The following ARID1B variants were observed in gnomAD, a reference collection of about 807,000 sequenced individuals.
The protein encoded by ARID1B is AT-rich interactive domain-containing protein 1B.
Under a neutral mutation model 212.3 loss-of-function variants are expected in ARID1B, and 30 were observed. The observed-to-expected ratio is 0.14, with a 90% CI of 0.11 to 0.19. The LOEUF (loss-of-function observed/expected upper bound fraction) is 0.19. ARID1B is among the 10% of genes least tolerant of loss of function. The probability of loss-of-function intolerance (pLI) is 1.00; values close to 1 mark genes in which losing one functional copy is unlikely to be tolerated. For synonymous variants in ARID1B, 1,402 were observed against 1,301.7 expected (o/e 1.08, Z -1.66); for missense variants, 2,891 against 3,204.0 (o/e 0.90, Z 2.36).
chr6:157,106,407 A>C (rs1163123055), intron 5 of ARID1B, among the ~76,000 whole-genome samples: 1 of 152,188 alleles, frequency 6.6e-6, no homozygotes, highest in Non-Finnish European at 1.5e-5. Flanking sequence ...ATCTACTTCC[A>C]GTTTCATTCG....
At chr6:156,866,960 A>G (rs1785740895) in intron 2 of ARID1B, among the ~76,000 whole-genome samples, 1 of 152,224 alleles carries the variant, frequency 6.6e-6, no homozygotes, top group Admixed American at 6.5e-5. Flanking sequence ...CAGACATAGG[A>G]AAGTTACTTG....
At chr6:157,191,765 A>G (rs921155344) in intron 15 of ARID1B, among the ~76,000 whole-genome samples, 1 of 152,234 alleles carries the variant, frequency 6.6e-6, no homozygotes, top group Non-Finnish European at 1.5e-5. Flanking sequence ...TTATTGGAAA[A>G]AAACATATAG....
At chr6:157,153,349 A>G (rs906188118) in intron 8 of ARID1B, among the ~76,000 whole-genome samples, 1 of 151,318 alleles carries the variant, frequency 6.6e-6, no homozygotes, top group East Asian at 2.0e-4. Flanking sequence ...TTTATAAGTA[A>G]TATCTGTACA....
chr6:157,163,260 A>T (rs1791066689), intron 8 of ARID1B, among the ~76,000 whole-genome samples: 1 of 152,034 alleles, frequency 6.6e-6, no homozygotes, highest in East Asian at 1.9e-4. Context: ...GGTCTCGGGC[A>T]TTGTATTTTC....
At chr6:156,879,929 C>G (rs1446562662) in intron 2 of ARID1B, among the ~76,000 whole-genome samples, 2 of 152,188 alleles carry the variant, frequency 1.3e-5, no homozygotes, top group Non-Finnish European at 2.9e-5. Flanking sequence ...AACAAAATCT[C>G]AAACCCTTTC....
chr6:157,014,925 A>G (rs868754122), intron 4 of ARID1B, among the ~76,000 whole-genome samples: 1 of 152,130 alleles, frequency 6.6e-6, no homozygotes, highest in Admixed American at 6.5e-5. Context: ...GCCACTCTCC[A>G]TCTTATAGAA....
At chr6:157,041,451 G>A (rs1413988938) in intron 4 of ARID1B, among the ~76,000 whole-genome samples, 7 of 152,098 alleles carry the variant, frequency 4.6e-5, no homozygotes, top group African/African-American at 1.7e-4. Flanking sequence ...TAAAAAACAT[G>A]TAAACATAAC....
At position 157,190,112 on chromosome 6, in the gene ARID1B, C is replaced by T; in HGVS notation, c.4133C>T (p.Thr1378Ile). 2 of 1,614,236 alleles carry T rather than the reference C, an allele frequency of 1.2e-6. No homozygotes were observed. The highest frequency in any genetic ancestry group is 1.7e-6 in the Non-Finnish European group (2 of 1,180,048). ...DSSFPKRNSM[T>I]PNAPYQQGMS... ...TCCTTCCCGAAACGGAACTCCATGA[C>T]TCCAAACGCCCCCTACCAGCAGGGC... Residue 1378 changes from threonine (T) to isoleucine (I), a missense_variant, in exon 15 of 20, where the codon ACT (threonine) becomes ATT (isoleucine). Physicochemically the swap from Thr to Ile is moderately conservative, Grantham distance 89 (BLOSUM62 -1). This residue lies in a region of ARID1B where 666 missense variants were observed against 873.5 expected (regional missense o/e 0.76). Coordinates refer to ENST00000636930, the MANE Select transcript of ARID1B (RefSeq NM_001374828.1). The surrounding 1 kb of genome is among the most constrained non-coding windows in gnomAD (Gnocchi z 4.6).
chr6:157,106,780 C>A (rs1195057452), intron 5 of ARID1B, among the ~76,000 whole-genome samples: 1 of 152,162 alleles, frequency 6.6e-6, no homozygotes, highest in Admixed American at 6.5e-5. Context: ...GAGGGTGTGT[C>A]TGCCACAGTG....
chr6:156,879,759 T>C (rs1450850557), intron 2 of ARID1B, among the ~76,000 whole-genome samples: 1 of 152,228 alleles, frequency 6.6e-6, no homozygotes, highest in South Asian at 2.1e-4. Context: ...GGAGTTAAGA[T>C]ATAAACATAT....
At chr6:156,862,635 G>C (rs1785412986) in intron 2 of ARID1B, among the ~76,000 whole-genome samples, 1 of 152,218 alleles carries the variant, frequency 6.6e-6, no homozygotes, top group African/African-American at 2.4e-5. Flanking sequence ...CCTTCCTGCA[G>C]TGATTGATGG....
intron 8 of ARID1B, chr6:157,151,240 G>A (rs1219034550): frequency 1.3e-5 from 2 of 152,084 alleles, no homozygotes; most frequent in Non-Finnish European, 2.9e-5. Context: ...AACCTGTGTT[G>A]TGCAGCGCTG....
chr6:157,172,658 C>A (rs1271986552), intron 9 of ARID1B: 3 of 152,190 alleles, frequency 2.0e-5, no homozygotes, highest in Non-Finnish European at 1.5e-5. Flanking sequence ...CAAATTAGCA[C>A]CACAAAGCTT....
At chr6:156,848,652 C>T (rs189074692) in intron 2 of ARID1B, among the ~76,000 whole-genome samples, 1 of 152,304 alleles carries the variant, frequency 6.6e-6, no homozygotes, top group East Asian at 1.9e-4. Flanking sequence ...CTGGATTTGG[C>T]CTGATCCTCA....
chr6:157,042,713 C>T (rs183321706), intron 4 of ARID1B, among the ~76,000 whole-genome samples: 2 of 147,770 alleles, frequency 1.4e-5, no homozygotes, highest in Non-Finnish European at 3.0e-5. Context: ...GGCTGGAGTA[C>T]AGTGGCGTGA....
chr6:156,895,132 G>C (rs1788281143), intron 2 of ARID1B, among the ~76,000 whole-genome samples: 1 of 152,042 alleles, frequency 6.6e-6, no homozygotes, highest in South Asian at 2.1e-4. Flanking sequence ...GTGATGATAT[G>C]GTATGTTTTC....
Position 156,778,067 on chromosome 6 carries a change from G to A in ARID1B, c.387G>A (p.Ala129=), listed in dbSNP as rs1436534163. 4 of 1,538,674 alleles carry A rather than the reference G, an allele frequency of 2.6e-6. No individual in the cohort carries two copies. Among genetic ancestry groups the A allele is most frequent in the Non-Finnish European group, 2.6e-6 (3 of 1,146,274 alleles). The change falls in exon 1 of 20, where the codon GCG becomes GCA. Residue 129 remains alanine (A), a synonymous_variant. Coordinates refer to ENST00000636930, the MANE Select transcript of ARID1B (RefSeq NM_001374828.1). ...SSSSSSAAAA[A]ASSSSSSGPG... is the part of the protein sequence containing the mutation. ...CCTCCTCCTCCGCGGCGGCAGCGGC[G>A]GCATCCTCTTCCTCCTCGTCGGGCC...
chr6:156,935,784 C>T lies in ARID1B; in HGVS notation c.2247+208C>T, dbSNP rs1333316874. The T allele has an allele frequency of 1.5e-4, 72 of 492,242 alleles. 2 individuals are homozygous for T. The highest frequency in any genetic ancestry group is 1.7e-4 in the Non-Finnish European group (46 of 272,132). The allele number at this position is 492,242 out of a possible 1,614,324, so 30.5% of individuals were successfully genotyped here. A position where few individuals can be genotyped will look rare whatever the true frequency, so the allele number is the denominator to read the frequency against. ...ATTTCATGTGTATATATCTCTGTTGCAGAGTGTAGACATCAGTTGGAAGGT... is the reference window on the plus strand; with the variant it reads ...ATTTCATGTGTATATATCTCTGTTGTAGAGTGTAGACATCAGTTGGAAGGT... On this transcript the variant is annotated intron_variant, in intron 4 of 19. Coordinates refer to ENST00000636930, the MANE Select transcript of ARID1B (RefSeq NM_001374828.1).
intron 4 of ARID1B, among the ~76,000 whole-genome samples, chr6:156,972,218 A>G (rs1776978674): frequency 6.6e-6 from 1 of 152,242 alleles, no homozygotes; most frequent in South Asian, 2.1e-4. Flanking sequence ...TAGTTAATGT[A>G]TACTTAGTCA....
Sources: gnomAD v4.1 joint callset for allele counts (sites outside exome capture counted in the v4.1 genomes callset) on GRCh38, gnomAD v4.1.1 for gene constraint, gnomAD v4.1.1 regional missense constraint, Gnocchi (gnomAD v3.1) non-coding constraint, MANE v1.5 for transcripts, NCBI Gene and HGNC (gene_info 2026-07-23, HGNC 2026-07-21) for gene names.